Variants in FOXP1 observed in about 807,000 individuals in gnomAD.
FOXP1 encodes the protein forkhead box protein P1.
A neutral mutation model predicts 98.2 loss-of-function variants in FOXP1; 15 were observed. The observed-to-expected ratio is 0.15, with a 90% CI of 0.10 to 0.24. FOXP1 has a LOEUF of 0.24. FOXP1 is among the 10% of genes least tolerant of loss of function. The probability of loss-of-function intolerance (pLI) is 1.00; values close to 1 mark genes in which losing one functional copy is unlikely to be tolerated. For missense variants in FOXP1, 633 were observed against 848.5 expected, an observed-to-expected ratio of 0.75 and a Z score of 3.15; for synonymous variants, 371 against 314.5, an observed-to-expected ratio of 1.18 and a Z score of -1.90.
At chr3:71,300,433 T>C (rs992573339) in intron 4 of FOXP1, among the ~76,000 whole-genome samples, 1 of 152,166 alleles carries the variant, frequency 6.6e-6, no homozygotes, top group Non-Finnish European at 1.5e-5. Flanking sequence ...AGAATGTTTT[T>C]CTCTTACCAT....
At chr3:71,396,435 G>C (rs1480735199) in intron 3 of FOXP1, among the ~76,000 whole-genome samples, 1 of 152,118 alleles carries the variant, frequency 6.6e-6, no homozygotes, top group Non-Finnish European at 1.5e-5. Flanking sequence ...ACTGGGCTTG[G>C]AAAGTTTAAG....
intron 6 of FOXP1, among the ~76,000 whole-genome samples, chr3:71,179,663 CAT>C (rs2062168963): frequency 6.6e-6 from 1 of 152,144 alleles, no homozygotes; most frequent in Non-Finnish European, 1.5e-5. Context: ...GCTCTTTTCT[CAT>C]CTATAATGTT....
At chr3:71,525,902 C>T (rs917070176) in intron 2 of FOXP1, among the ~76,000 whole-genome samples, 3 of 151,842 alleles carry the variant, frequency 2.0e-5, no homozygotes, top group African/African-American at 7.3e-5. Context: ...GATCACTTGA[C>T]GTCAGGAGTT....
At chr3:71,460,473 G>A (rs531296304) in intron 3 of FOXP1, among the ~76,000 whole-genome samples, 5 of 150,416 alleles carry the variant, frequency 3.3e-5, no homozygotes, top group African/African-American at 1.2e-4. Context: ...GTCTCACTCT[G>A]TCGCCCAGGC....
intron 2 of FOXP1, among the ~76,000 whole-genome samples, chr3:71,554,556 T>C (rs2045991508): frequency 6.6e-6 from 1 of 152,212 alleles, no homozygotes; most frequent in Non-Finnish European, 1.5e-5. Flanking sequence ...ATCAAACTAT[T>C]ATTGGTATTA....
intron 3 of FOXP1, among the ~76,000 whole-genome samples, chr3:71,464,255 G>A (rs771399571): frequency 2.6e-5 from 4 of 152,116 alleles, no homozygotes; most frequent in South Asian, 2.1e-4. Flanking sequence ...CAGCCTGGGC[G>A]ACAGAACGAG....
chr3:71,052,585 C>A lies in FOXP1; in HGVS notation c.462G>T (p.Leu154Phe), dbSNP rs1399927684. 6.9e-7 allele frequency: 1 copy of A among 1,441,068 alleles called. No homozygotes were observed. The highest frequency in any genetic ancestry group is 1.4e-5 in the African/African-American group (1 of 71,790). The allele number at this position is 1,441,068 out of a possible 1,614,324, so 89.3% of individuals were successfully genotyped here. A position where few individuals can be genotyped will look rare whatever the true frequency, so the allele number is the denominator to read the frequency against. Residue 154 changes from leucine (L) to phenylalanine (F), a missense_variant, in exon 9 of 21, where the codon TTG (leucine) becomes TTT (phenylalanine). Leu to Phe is a conservative substitution (Grantham distance 22). Coordinates refer to ENST00000649528, the MANE Select transcript of FOXP1 (RefSeq NM_001349338.3). ...GTTGTTGTTGTAAAAGTTGAAGCTG[C>A]AACTGTTCCTGTTGTTTTTTATAAA... ...QEFYKKQQEQ[L>F]QLQLLQQQHA...
At position 71,348,997 on chromosome 3, in the gene FOXP1, T is replaced by C. The variant is rs535038504; in HGVS notation, c.-73+10153A>G. ...GCTATAAAACAAAGCCAGCCTAATG[T>C]AGCCCACTAATTCTGCCCCAACACA... On this transcript the variant is annotated intron_variant, in intron 4 of 20. Transcript: ENST00000649528. Among the ~76,000 whole-genome samples, 4 of 152,310 alleles carry C rather than the reference T, an allele frequency of 2.6e-5. No homozygotes were observed. In the South Asian group the frequency reaches 8.3e-4, roughly 32 times the overall value.
intron 3 of FOXP1, among the ~76,000 whole-genome samples, chr3:71,483,945 G>C (rs554316505): frequency 6.6e-6 from 1 of 152,116 alleles, no homozygotes; most frequent in Non-Finnish European, 1.5e-5. Flanking sequence ...TGTAACCGGG[G>C]CAACGACTAG....
chr3:71,053,478 C>T (rs915966332), intron 8 of FOXP1, among the ~76,000 whole-genome samples, 158 bp downstream of exon 8: 1 of 152,122 alleles, frequency 6.6e-6, no homozygotes, highest in Non-Finnish European at 1.5e-5. Flanking sequence ...AAAAGCACAT[C>T]GATTATTCAG....
At chr3:71,337,515 T>C (rs1015437492) in intron 4 of FOXP1, among the ~76,000 whole-genome samples, 1 of 152,214 alleles carries the variant, frequency 6.6e-6, no homozygotes, top group African/African-American at 2.4e-5. Flanking sequence ...TTTATAAAAA[T>C]ATTGAAAGTG....
intron 7 of FOXP1, among the ~76,000 whole-genome samples, chr3:71,108,466 T>C (rs2057627482): frequency 6.6e-6 from 1 of 152,204 alleles, no homozygotes; most frequent in Non-Finnish European, 1.5e-5. Context: ...TATATAAATA[T>C]TTATAGAAGA....
intron 2 of FOXP1, among the ~76,000 whole-genome samples, chr3:71,518,698 G>T (rs1310534305): frequency 6.6e-6 from 1 of 152,158 alleles, no homozygotes; most frequent in Non-Finnish European, 1.5e-5. Context: ...TGCAAGAGAG[G>T]CCTTGTCAAT....
chr3:71,165,019 C>G (rs1478914291), intron 6 of FOXP1, among the ~76,000 whole-genome samples: 1 of 152,096 alleles, frequency 6.6e-6, no homozygotes. Flanking sequence ...TCCTAGCTAT[C>G]CCAAAATGTA....
chr3:71,268,246 T>A (rs993846123), intron 5 of FOXP1, among the ~76,000 whole-genome samples: 1 of 151,610 alleles, frequency 6.6e-6, no homozygotes, highest in Admixed American at 6.6e-5. Context: ...GCCCGCCACC[T>A]CGCCCGGCTA....
intron 7 of FOXP1, among the ~76,000 whole-genome samples, chr3:71,101,315 C>T (rs907554744): frequency 6.6e-6 from 1 of 152,094 alleles, no homozygotes; most frequent in African/African-American, 2.4e-5. Flanking sequence ...AGCAGTACAA[C>T]AGGTCTGGAG....
intron 6 of FOXP1, among the ~76,000 whole-genome samples, chr3:71,116,124 C>G (rs1305867112): frequency 1.3e-5 from 2 of 152,188 alleles, no homozygotes; most frequent in Admixed American, 6.5e-5. Context: ...CAAATGCTTA[C>G]TGAGCTGGCT....
intron 3 of FOXP1, among the ~76,000 whole-genome samples, chr3:71,442,607 C>T (rs187398508): frequency 1.4e-3 from 217 of 152,274 alleles, no homozygotes; most frequent in African/African-American, 4.9e-3. Flanking sequence ...CTAGCCGCGG[C>T]CCCAGTAATA....
chr3:71,578,313 A>G (rs2047887143), intron 2 of FOXP1, among the ~76,000 whole-genome samples: 1 of 152,234 alleles, frequency 6.6e-6, no homozygotes, highest in Non-Finnish European at 1.5e-5. Flanking sequence ...TAAGTACCTT[A>G]AAGTAACAGA....
Sources: allele counts gnomAD v4.1 joint callset (sites outside exome capture counted in the v4.1 genomes callset), GRCh38; gene constraint gnomAD v4.1.1; transcripts MANE v1.5; gene names NCBI Gene and HGNC (gene_info 2026-07-23, HGNC 2026-07-21).